RANBP17: variants seen among roughly 807,000 people sequenced by gnomAD.
The protein encoded by RANBP17 is RAN binding protein 17, also known as ran-binding protein 17.
In RANBP17, 158 loss-of-function variants were observed where a neutral mutation model predicts 141.2. That is an observed-to-expected ratio of 1.12 (90% CI 0.98 to 1.28). The LOEUF (loss-of-function observed/expected upper bound fraction) is 1.28. Among genes scored for constraint, RANBP17 ranks in the 50% most tolerant of loss-of-function variants. The probability of loss-of-function intolerance (pLI) is 0.00; values close to 1 mark genes in which losing one functional copy is unlikely to be tolerated. For missense variants in RANBP17, 1,438 were observed against 1,290.7 expected (o/e 1.11, Z -1.75); for synonymous variants, 430 against 450.0 (o/e 0.96, Z 0.56).
chr5:171,209,928 C>T (rs1762775935), intron 20 of RANBP17, among the ~76,000 whole-genome samples: 1 of 152,142 alleles, frequency 6.6e-6, no homozygotes, highest in Admixed American at 6.5e-5. Context: ...CTGGTATTAA[C>T]AACTGATGAA....
At chr5:171,016,979 C>T (rs975999834) in intron 14 of RANBP17, among the ~76,000 whole-genome samples, 2 of 146,874 alleles carry the variant, frequency 1.4e-5, no homozygotes, top group Non-Finnish European at 3.0e-5. Context: ...GTTCAACTCC[C>T]ACTTACGTGT....
In RANBP17 at chr5:170,960,495, G is replaced by A. The variant is rs142359063; in HGVS notation, c.1574+6793G>A. On this transcript the variant is annotated intron_variant, in intron 13 of 27. Coordinates refer to ENST00000523189, the MANE Select transcript of RANBP17 (RefSeq NM_022897.5). ...ACACTCAGTTTCCCAAGCCTGAATC[G>A]TGAGAGTTATCCTTAACTTTTTCCC... Among the ~76,000 whole-genome samples the A allele has an allele frequency of 4.6e-3, 704 of 152,232 alleles. 8 individuals carry two copies. The highest frequency in any genetic ancestry group is 0.016 in the African/African-American group (677 of 41,552).
chr5:171,026,091 T>A (rs1178466843), intron 14 of RANBP17, among the ~76,000 whole-genome samples: 1 of 152,230 alleles, frequency 6.6e-6, no homozygotes, highest in Non-Finnish European at 1.5e-5. Flanking sequence ...ATATTATGTC[T>A]TTTAATTATC....
At chr5:170,902,010 C>A (rs1462622277) in intron 5 of RANBP17, among the ~76,000 whole-genome samples, 1 of 152,124 alleles carries the variant, frequency 6.6e-6, no homozygotes, top group East Asian at 1.9e-4. Context: ...TGGGGTTGCT[C>A]TTCTCTAGGA....
At chr5:171,100,160 A>T (rs1370381534) in intron 14 of RANBP17, among the ~76,000 whole-genome samples, 1 of 152,082 alleles carries the variant, frequency 6.6e-6, no homozygotes, top group Admixed American at 6.6e-5. Flanking sequence ...TATTGTTTGG[A>T]ATCGTTTCAG....
chr5:170,910,218 T>C (rs1771421720), intron 6 of RANBP17: 1 of 157,786 alleles, frequency 6.3e-6, no homozygotes, highest in Non-Finnish European at 1.4e-5. Flanking sequence ...ATTTGCTACT[T>C]AGTGCCCTAT....
intron 14 of RANBP17, among the ~76,000 whole-genome samples, chr5:171,055,671 G>T (rs1364096272): frequency 6.6e-6 from 1 of 151,770 alleles, no homozygotes; most frequent in Non-Finnish European, 1.5e-5. Context: ...AAGATAACTT[G>T]GGGCTTCTGG....
At chr5:171,245,625 T>C (rs1333051723) in intron 24 of RANBP17, among the ~76,000 whole-genome samples, 1 of 152,148 alleles carries the variant, frequency 6.6e-6, no homozygotes. Context: ...ATTTTGATTT[T>C]TTTAATGTGG....
intron 21 of RANBP17, 31 bp from the exon 22 acceptor site, chr5:171,221,727 C>T (rs370158574): frequency 7.5e-7 from 1 of 1,341,372 alleles, no homozygotes; most frequent in African/African-American, 1.4e-5. Flanking sequence ...TTTATCTTCA[C>T]ATATAGGCAA....
intron 14 of RANBP17, among the ~76,000 whole-genome samples, chr5:171,049,645 A>G (rs148255403): frequency 6.6e-6 from 1 of 152,288 alleles, no homozygotes; most frequent in East Asian, 1.9e-4. Context: ...TGATTTTTGT[A>G]TATGGTGAAG....
intron 12 of RANBP17, among the ~76,000 whole-genome samples, chr5:170,935,713 G>A (rs1402541323): frequency 6.6e-6 from 1 of 152,152 alleles, no homozygotes; most frequent in Non-Finnish European, 1.5e-5. Context: ...CTACTGGGAG[G>A]TGCCTCCCAG....
At chr5:171,205,421 T>C in intron 19 of RANBP17, 103 bp from the exon 20 acceptor site, 1 of 892,648 alleles carries the variant, frequency 1.1e-6, no homozygotes, top group Non-Finnish European at 1.8e-6. Context: ...ACATTTTAGC[T>C]AATGAATCAA....
intron 12 of RANBP17, among the ~76,000 whole-genome samples, chr5:170,944,295 G>T (rs1774574945): frequency 1.3e-5 from 2 of 152,038 alleles, no homozygotes; most frequent in Admixed American, 6.5e-5. Context: ...TTGAGACAGG[G>T]TCTCACTGTC....
chr5:171,285,251 A>G (rs1444603414), intron 25 of RANBP17, among the ~76,000 whole-genome samples: 3 of 152,200 alleles, frequency 2.0e-5, no homozygotes, highest in East Asian at 1.9e-4. Flanking sequence ...ATCAGAGCAC[A>G]TGTGCCTGTG....
chr5:171,063,461 G>A (rs1336333578), intron 14 of RANBP17, among the ~76,000 whole-genome samples: 1 of 152,198 alleles, frequency 6.6e-6, no homozygotes, highest in African/African-American at 2.4e-5. Flanking sequence ...AGCAGCAGTG[G>A]CTGCAGAACA....
chr5:170,987,041 A>T (rs564036474), intron 14 of RANBP17, among the ~76,000 whole-genome samples: 1 of 151,852 alleles, frequency 6.6e-6, no homozygotes, highest in Non-Finnish European at 1.5e-5. Context: ...TTTGGGGGAA[A>T]AGTGTTTAGA....
At chr5:171,081,211 G>T (rs1044760999) in intron 14 of RANBP17, among the ~76,000 whole-genome samples, 1 of 152,046 alleles carries the variant, frequency 6.6e-6, no homozygotes, top group Non-Finnish European at 1.5e-5. Context: ...CTATTTCTTC[G>T]GTAGTGGTAT....
intron 25 of RANBP17, 74 bp from the exon 26 acceptor site, chr5:171,293,809 G>A: frequency 1.9e-6 from 2 of 1,067,298 alleles, no homozygotes; most frequent in Middle Eastern, 2.0e-4. Context: ...TGGAATCTGA[G>A]CACATGAAAG....
At position 170,919,646 on chromosome 5, in the gene RANBP17, C is replaced by T. The variant is rs1772267007; in HGVS notation, c.1274+33C>T. ...AAAACTAAATGTTTTTGTTGTATTT[C>T]CTTTTGACACTTGGAATTTTTTAAG... On this transcript the variant is annotated intron_variant, in intron 11 of 27. Transcript: ENST00000523189. 5 of 1,467,812 alleles carry T rather than the reference C, an allele frequency of 3.4e-6. No individual in the cohort carries two copies. The South Asian group carries it at 4.2e-5, about 12-fold the overall frequency. 90.9% of individuals were successfully genotyped at this position (1,467,812 alleles called of 1,614,324 possible).
Sources: gnomAD v4.1 joint callset for allele counts (sites outside exome capture counted in the v4.1 genomes callset) on GRCh38, gnomAD v4.1.1 for gene constraint, MANE v1.5 for transcripts, NCBI Gene and HGNC (gene_info 2026-07-23, HGNC 2026-07-21) for gene names.